Variants in GPC1 observed in about 807,000 individuals in gnomAD.
GPC1 encodes glypican-1.
GPC1 carries 26 observed loss-of-function variants against 51.5 expected under a neutral mutation model. The ratio of observed to expected loss-of-function variants is 0.50; its 90% CI spans 0.37 to 0.70. GPC1 has a LOEUF of 0.70. Among genes scored for constraint, GPC1 ranks in the 30% least tolerant of loss-of-function variants. GPC1 has a pLI of 0.00. For missense variants in GPC1, 775 were observed against 800.5 expected (o/e 0.97, Z 0.38); for synonymous variants, 380 against 348.3 (o/e 1.09, Z -1.01).
At chr2:240,450,606 C>T (rs925074463) in intron 1 of GPC1, 14 of 470,730 alleles carry the variant, frequency 3.0e-5, no homozygotes, top group Admixed American at 2.3e-4. Flanking sequence ...CAAGGGAGCC[C>T]TCACCATGTG....
intron 1 of GPC1, among the ~76,000 whole-genome samples, chr2:240,453,805 G>A (rs939940247): frequency 2.0e-5 from 3 of 151,778 alleles, no homozygotes; most frequent in Non-Finnish European, 1.5e-5. Flanking sequence ...GCATCGGGGC[G>A]CCCGGGACCC....
At chr2:240,446,554 C>T (rs1048368984) in intron 1 of GPC1, among the ~76,000 whole-genome samples, 2 of 152,234 alleles carry the variant, frequency 1.3e-5, no homozygotes, top group Non-Finnish European at 2.9e-5. Context: ...CCCTGAGGGC[C>T]GAACCCTAAA....
chr2:240,446,593 G>A (rs2074052360), intron 1 of GPC1, among the ~76,000 whole-genome samples: 1 of 152,222 alleles, frequency 6.6e-6, no homozygotes, highest in African/African-American at 2.4e-5. Flanking sequence ...GACTGGCCCA[G>A]GGCTCCCAAG....
chr2:240,465,739 G>A (rs2074256208), intron 8 of GPC1, 91 bp downstream of exon 8: 7 of 1,063,742 alleles, frequency 6.6e-6, no homozygotes, highest in Non-Finnish European at 8.3e-6. Flanking sequence ...CCCCACCCGA[G>A]GGGCCCTCTG....
chr2:240,463,945 G>A lies in GPC1; in HGVS notation c.883+433G>A. ...CCACCAGTACAGCGTGTGCTCCTGGGCGCATGTGATGACATGAGCTGGGCT... is the reference window on the plus strand; with the variant it reads ...CCACCAGTACAGCGTGTGCTCCTGGACGCATGTGATGACATGAGCTGGGCT... On this transcript the variant is annotated intron_variant, in intron 4 of 8. Transcript: ENST00000264039. The A allele has an allele frequency of 1.3e-5, 3 of 230,688 alleles. 1 individual carries two copies. In the South Asian group the frequency reaches 2.3e-4, roughly 17 times the overall value. 14.3% of individuals were successfully genotyped at this position (230,688 alleles called of 1,614,324 possible). A position where few individuals can be genotyped will look rare whatever the true frequency, so the allele number is the denominator to read the frequency against.
intron 2 of GPC1, among the ~76,000 whole-genome samples, chr2:240,461,090 T>C (rs2074211152): frequency 6.6e-6 from 1 of 152,212 alleles, no homozygotes; most frequent in Middle Eastern, 3.2e-3. Context: ...GTGTCTGGGC[T>C]AATGCATGAA....
chr2:240,436,183 C>T, intron 1 of GPC1, 99 bp downstream of exon 1: 2 of 818,068 alleles, frequency 2.4e-6, no homozygotes, highest in East Asian at 3.4e-5. Context: ...GCGCGGGATC[C>T]TGCCGCCTGC....
At chr2:240,445,070 A>G (rs1481370401) in intron 1 of GPC1, among the ~76,000 whole-genome samples, 1 of 152,140 alleles carries the variant, frequency 6.6e-6, no homozygotes, top group Admixed American at 6.5e-5. Context: ...TCTCTCACGT[A>G]ATCCAGCCCC....
intron 4 of GPC1, chr2:240,464,049 T>C (rs1175364517): frequency 5.0e-6 from 1 of 200,810 alleles, no homozygotes; most frequent in Non-Finnish European, 1.0e-5. Context: ...CATGCTTACA[T>C]GAGGGGGGAC....
At chr2:240,452,834 G>C (rs1330047177) in intron 1 of GPC1, 1 of 188,002 alleles carries the variant, frequency 5.3e-6, no homozygotes, top group Non-Finnish European at 1.1e-5. Context: ...CTGCGGCGCT[G>C]CCCGGGGTGG....
chr2:240,462,466 C>A lies in GPC1; in HGVS notation c.601C>A (p.Pro201Thr). ...GGGCAAGCAGGCCGAGGCGCTGCGG[C>A]CCTTCGGGGAGGCCCCGAGAGAGCT... is the stretch of plus-strand genomic sequence containing the variant. ...CLGKQAEALR[P>T]FGEAPRELRL... Residue 201 changes from proline to threonine, a missense_variant, in exon 3 of 9, where the codon CCC (proline) becomes ACC (threonine). Pro to Thr is a conservative substitution (Grantham distance 38, BLOSUM62 -1). Transcript: ENST00000264039. 1 of 1,604,398 alleles carries A rather than the reference C, an allele frequency of 6.2e-7. No homozygotes were observed. Among genetic ancestry groups the A allele is most frequent in the Non-Finnish European group, 8.5e-7 (1 of 1,176,872 alleles).
rs2074273158 is a variant in GPC1 at position 240,467,415 on chromosome 2, CCTCCCAGATGGCTT to C, written c.*1127_*1140del. On this transcript the variant is annotated 3_prime_UTR_variant, in exon 9 of 9. Coordinates refer to ENST00000264039, the MANE Select transcript of GPC1 (RefSeq NM_002081.3). ...CCTTGTTCATGGAGAGCTGTTCGCT[CCTCCCAGATGGCTT>C]CGGAGGGCCGCAGGGCCCACCTTGG... 6.6e-6 allele frequency: 1 copy of C among 152,294 alleles called. No individual in the cohort carries two copies. The highest frequency in any genetic ancestry group is 2.4e-5 in the African/African-American group (1 of 41,478). The allele number at this position is 152,294 out of a possible 1,614,324, so 9.4% of individuals were successfully genotyped here.
At chr2:240,439,476 C>T (rs1409867103) in intron 1 of GPC1, among the ~76,000 whole-genome samples, 2 of 152,314 alleles carry the variant, frequency 1.3e-5, no homozygotes, top group South Asian at 2.1e-4. Flanking sequence ...AGTGGCAGCC[C>T]GCCTACCAGC....
chr2:240,443,314 A>T (rs1160900652), intron 1 of GPC1, among the ~76,000 whole-genome samples: 1 of 152,122 alleles, frequency 6.6e-6, no homozygotes, highest in Non-Finnish European at 1.5e-5. Flanking sequence ...TTGGGCGGGG[A>T]GGCAGTGGGA....
intron 8 of GPC1, 91 bp from the exon 9 acceptor site, chr2:240,465,967 T>G: frequency 1.4e-6 from 1 of 707,906 alleles, no homozygotes; most frequent in South Asian, 1.7e-5. Context: ...CGAAAGGATG[T>G]TGGGGTCACC....
At chr2:240,454,370 C>T (rs2074136261) in intron 1 of GPC1, among the ~76,000 whole-genome samples, 1 of 152,328 alleles carries the variant, frequency 6.6e-6, no homozygotes, top group South Asian at 2.1e-4. Context: ...CAGGAGGCTG[C>T]TGGACGTGCC....
chr2:240,456,099 G>C (rs2074158888), intron 1 of GPC1: 2 of 295,878 alleles, frequency 6.8e-6, no homozygotes, highest in African/African-American at 2.3e-5. Flanking sequence ...AACAACGCAG[G>C]TCGCCGGGCC....
intron 1 of GPC1, among the ~76,000 whole-genome samples, chr2:240,442,867 T>C (rs1387732360): frequency 6.6e-6 from 1 of 152,220 alleles, no homozygotes; most frequent in African/African-American, 2.4e-5. Context: ...AGCACAGATG[T>C]GCCCGAGACC....
intron 1 of GPC1, chr2:240,458,428 G>T (rs1325060436): frequency 9.5e-6 from 2 of 209,748 alleles, no homozygotes; most frequent in African/African-American, 4.5e-5. Flanking sequence ...GCACCCTGCA[G>T]GGCTTGGGGC....
Sources: allele counts gnomAD v4.1 joint callset (sites outside exome capture counted in the v4.1 genomes callset), GRCh38; gene constraint gnomAD v4.1.1; transcripts MANE v1.5; gene names NCBI Gene and HGNC (gene_info 2026-07-23, HGNC 2026-07-21).